Variants in SLC35F1 observed in about 807,000 individuals in gnomAD.
SLC35F1 encodes solute carrier family 35 member F1.
SLC35F1 carries 14 observed loss-of-function variants against 48.7 expected under a neutral mutation model. The observed-to-expected ratio is 0.29, with a 90% CI of 0.19 to 0.45. The LOEUF is 0.45. Ranked by LOEUF, SLC35F1 falls within the 20% of genes least tolerant of loss-of-function variation. SLC35F1 has a pLI of 1.00. For missense variants in SLC35F1, 404 were observed against 500.0 expected, an observed-to-expected ratio of 0.81 and a Z score of 1.83; for synonymous variants, 190 against 202.2, an observed-to-expected ratio of 0.94 and a Z score of 0.51.
rs116107024 is a variant in SLC35F1 at position 117,966,454 on chromosome 6, C to T, written c.173+58555C>T. Among the ~76,000 whole-genome samples, 120 of 151,982 alleles carry T rather than the reference C, an allele frequency of 7.9e-4. 1 individual carries two copies. The highest frequency in any genetic ancestry group is 2.7e-3 in the African/African-American group (110 of 41,414). ...CCACCAGGAGGAGGAATGAACAACT[C>T]GGGATGCGCTGCCTTTATGAACTGT... On this transcript the variant is annotated intron_variant, in intron 1 of 7. Transcript: ENST00000360388.
intron 1 of SLC35F1, among the ~76,000 whole-genome samples, chr6:118,119,501 C>CCCG (rs1562295694): frequency 9.4e-6 from 1 of 106,870 alleles, no homozygotes; most frequent in Non-Finnish European, 1.9e-5. Context: ...GGCGCCCCCC[C>CCCG]TCCACCCCGC....
At chr6:118,213,240 G>A (rs1775030322) in intron 2 of SLC35F1, among the ~76,000 whole-genome samples, 1 of 152,134 alleles carries the variant, frequency 6.6e-6, no homozygotes, top group Admixed American at 6.5e-5. Context: ...ATAATTATTA[G>A]CCCTGTACTA....
chr6:118,128,216 C>A (rs1352583384), intron 1 of SLC35F1, among the ~76,000 whole-genome samples: 2 of 147,526 alleles, frequency 1.4e-5, no homozygotes, highest in East Asian at 3.9e-4. Flanking sequence ...GTTGGTGGGA[C>A]TGTAAACTAG....
chr6:118,265,985 A>G (rs1775768666), intron 3 of SLC35F1, among the ~76,000 whole-genome samples: 1 of 152,194 alleles, frequency 6.6e-6, no homozygotes, highest in Non-Finnish European at 1.5e-5. Flanking sequence ...GAGCCCAAAG[A>G]GTGTGTTTGA....
chr6:118,132,112 G>A lies in SLC35F1; in HGVS notation c.174-22333G>A, dbSNP rs187225977. Among the ~76,000 whole-genome samples, 17 of 152,206 alleles carry A rather than the reference G, an allele frequency of 1.1e-4. No individual in the cohort carries two copies. The East Asian group carries it at 2.3e-3, about 21-fold the overall frequency. On this transcript the variant is annotated intron_variant, in intron 1 of 7. Coordinates refer to ENST00000360388, the MANE Select transcript of SLC35F1 (RefSeq NM_001029858.4). ...TAAGAAGCTGTTGTTTCAAGAAACC[G>A]AAGCAGATAGTTAGAGGTCTTTAAG...
intron 2 of SLC35F1, among the ~76,000 whole-genome samples, chr6:118,193,594 C>A (rs914291858): frequency 6.6e-6 from 1 of 152,138 alleles, no homozygotes; most frequent in Admixed American, 6.5e-5. Flanking sequence ...TCTTTACATA[C>A]CTTGCATGTA....
chr6:118,226,611 A>G (rs574216708), intron 2 of SLC35F1, among the ~76,000 whole-genome samples: 4 of 152,332 alleles, frequency 2.6e-5, no homozygotes, highest in East Asian at 3.9e-4. Flanking sequence ...AAGCATAGAA[A>G]GACAAATATT....
chr6:118,193,342 GT>G (rs1774757729), intron 2 of SLC35F1, among the ~76,000 whole-genome samples: 1 of 152,136 alleles, frequency 6.6e-6, no homozygotes, highest in South Asian at 2.1e-4. Context: ...AGAAAACCCT[GT>G]TGTGCTCTTA....
At chr6:118,013,808 T>C (rs1464236806) in intron 1 of SLC35F1, among the ~76,000 whole-genome samples, 1 of 152,186 alleles carries the variant, frequency 6.6e-6, no homozygotes, top group Non-Finnish European at 1.5e-5. Context: ...CATCCAACTA[T>C]TTGTGGATCA....
chr6:118,081,905 A>G (rs1019982875), intron 1 of SLC35F1, among the ~76,000 whole-genome samples: 3 of 152,208 alleles, frequency 2.0e-5, no homozygotes, highest in Non-Finnish European at 4.4e-5. Flanking sequence ...AGTAGTTCTC[A>G]CACCTGAATG....
chr6:118,297,649 A>ATT (rs1776205348), intron 7 of SLC35F1, among the ~76,000 whole-genome samples: 4 of 93,178 alleles, frequency 4.3e-5, no homozygotes, highest in Non-Finnish European at 8.9e-5. Flanking sequence ...AAAAATATAT[A>ATT]TATAATATAT....
rs532959149 is a variant in SLC35F1, at chr6:118,098,960, A to C, written c.174-55485A>C. Among the ~76,000 whole-genome samples the C allele has an allele frequency of 3.9e-5, 6 of 152,286 alleles. No homozygotes were observed. In the East Asian group the frequency reaches 7.7e-4, roughly 20 times the overall value. On this transcript the variant is annotated intron_variant, in intron 1 of 7. Coordinates refer to ENST00000360388, the MANE Select transcript of SLC35F1 (RefSeq NM_001029858.4). ...GTGTTTGGCCTATTTTATAAGGTAC[A>C]TCCTCTAGGTGTACCTTATATATAA...
chr6:118,170,970 T>C (rs1774395458), intron 2 of SLC35F1, among the ~76,000 whole-genome samples: 1 of 152,178 alleles, frequency 6.6e-6, no homozygotes, highest in Admixed American at 6.6e-5. Context: ...ATATACATAA[T>C]TATAATGTGT....
intron 1 of SLC35F1, among the ~76,000 whole-genome samples, chr6:118,142,934 G>A (rs1773914366): frequency 1.3e-5 from 2 of 152,072 alleles, no homozygotes; most frequent in African/African-American, 2.4e-5. Flanking sequence ...CTAAAATGAG[G>A]CATAACTCTC....
intron 3 of SLC35F1, among the ~76,000 whole-genome samples, chr6:118,244,839 A>G (rs1775486459): frequency 6.6e-6 from 1 of 152,234 alleles, no homozygotes; most frequent in Admixed American, 6.5e-5. Context: ...CCTTCACAGT[A>G]TCGTGTATGT....
chr6:118,275,652 G>A, intron 5 of SLC35F1, 37 bp downstream of exon 5: 1 of 1,583,714 alleles, frequency 6.3e-7, no homozygotes, highest in South Asian at 1.1e-5. Context: ...ATAGTAGAGG[G>A]ACTGTCAAGA....
intron 1 of SLC35F1, among the ~76,000 whole-genome samples, chr6:118,065,654 T>C (rs958742930): frequency 6.6e-6 from 1 of 152,194 alleles, no homozygotes; most frequent in Non-Finnish European, 1.5e-5. Context: ...TAGTTCCTTA[T>C]TGGAAGATTT....
chr6:118,064,959 A>G (rs1309398016), intron 1 of SLC35F1, among the ~76,000 whole-genome samples: 1 of 152,168 alleles, frequency 6.6e-6, no homozygotes, highest in Non-Finnish European at 1.5e-5. Context: ...TATATTAGGG[A>G]AAAATCCTAC....
At chr6:117,991,704 G>C (rs949462874) in intron 1 of SLC35F1, among the ~76,000 whole-genome samples, 4 of 152,162 alleles carry the variant, frequency 2.6e-5, no homozygotes, top group African/African-American at 9.7e-5. Flanking sequence ...TTGTATGCCT[G>C]CTGGCAAGTC....
Sources: gnomAD v4.1 joint callset for allele counts (sites outside exome capture counted in the v4.1 genomes callset) on GRCh38, gnomAD v4.1.1 for gene constraint, MANE v1.5 for transcripts, NCBI Gene and HGNC (gene_info 2026-07-23, HGNC 2026-07-21) for gene names.